The following CDH6 variants were observed in gnomAD, a reference collection of about 807,000 sequenced individuals.
CDH6 encodes the protein cadherin-6.
In CDH6, 31 loss-of-function variants were observed where a neutral mutation model predicts 78.0. The observed-to-expected ratio is 0.40, with a 90% confidence interval of 0.30 to 0.54. CDH6 has a LOEUF of 0.54. Among genes scored for constraint, CDH6 ranks in the 20% least tolerant of loss-of-function variants. The probability of loss-of-function intolerance (pLI) is 0.56; values close to 1 mark genes in which losing one functional copy is unlikely to be tolerated. For missense variants in CDH6, 724 were observed against 975.9 expected (o/e 0.74, Z 3.44); for synonymous variants, 376 against 368.8 (o/e 1.02, Z -0.23).
chr5:31,239,113 G>T (rs562479415), intron 1 of CDH6, among the ~76,000 whole-genome samples: 1 of 152,254 alleles, frequency 6.6e-6, no homozygotes. Context: ...TTCCTCCGCA[G>T]GGCATCATAT....
intron 1 of CDH6, among the ~76,000 whole-genome samples, chr5:31,224,755 G>C (rs547545491): frequency 6.6e-6 from 1 of 152,168 alleles, no homozygotes; most frequent in African/African-American, 2.4e-5. Flanking sequence ...TGTTGCCCAG[G>C]CTTGTCTCAA....
chr5:31,253,302 G>C (rs893485431), intron 1 of CDH6, among the ~76,000 whole-genome samples: 6 of 152,174 alleles, frequency 3.9e-5, no homozygotes, highest in Non-Finnish European at 8.8e-5. Context: ...TCATGATAAT[G>C]AGTGAGTTCT....
intron 2 of CDH6, among the ~76,000 whole-genome samples, chr5:31,291,411 G>A (rs1419467124): frequency 6.6e-6 from 1 of 152,148 alleles, no homozygotes; most frequent in Non-Finnish European, 1.5e-5. Flanking sequence ...TGCTTTTGTT[G>A]CATGTTTACA....
At chr5:31,292,834 T>TATATATGTGTGC (rs1737430513) in intron 2 of CDH6, among the ~76,000 whole-genome samples, 1 of 3,128 alleles carries the variant, frequency 3.2e-4, no homozygotes, top group African/African-American at 5.8e-4. Flanking sequence ...TATATATATA[T>TATATATGTGTGC]ATATATATAT....
intron 2 of CDH6, among the ~76,000 whole-genome samples, chr5:31,277,204 TC>T (rs1742723426): frequency 6.6e-6 from 1 of 152,232 alleles, no homozygotes; most frequent in Non-Finnish European, 1.5e-5. Context: ...TGTTTGATGA[TC>T]CCTGGCAACT....
chr5:31,285,663 A>G (rs1742991690), intron 2 of CDH6, among the ~76,000 whole-genome samples: 1 of 152,226 alleles, frequency 6.6e-6, no homozygotes, highest in African/African-American at 2.4e-5. Context: ...ATTTCTCTTT[A>G]GTTGCTGCAA....
At chr5:31,293,120 T>A (rs1439062091) in intron 2 of CDH6, among the ~76,000 whole-genome samples, 1 of 152,022 alleles carries the variant, frequency 6.6e-6, no homozygotes, top group East Asian at 1.9e-4. Flanking sequence ...CCCATTTCAC[T>A]GACAGTTAGT....
intron 1 of CDH6, among the ~76,000 whole-genome samples, chr5:31,217,644 C>A (rs1740903698): frequency 6.6e-6 from 1 of 152,122 alleles, no homozygotes; most frequent in South Asian, 2.1e-4. Flanking sequence ...CCTCCCTAAC[C>A]TCAAAGAACT....
At chr5:31,302,949 A>C in intron 6 of CDH6, among the ~76,000 whole-genome samples, 1 of 131,664 alleles carries the variant, frequency 7.6e-6, no homozygotes, top group Non-Finnish European at 1.7e-5. Flanking sequence ...GAAAGAAAGA[A>C]AGAAAGAAGG....
intron 1 of CDH6, among the ~76,000 whole-genome samples, chr5:31,248,097 A>G (rs1561041285): frequency 6.6e-6 from 1 of 152,224 alleles, no homozygotes; most frequent in Non-Finnish European, 1.5e-5. Flanking sequence ...TGTGTGTTAT[A>G]TGATTCTTCT....
At chr5:31,225,425 C>A (rs1220255213) in intron 1 of CDH6, among the ~76,000 whole-genome samples, 1 of 151,980 alleles carries the variant, frequency 6.6e-6, no homozygotes. Context: ...TCCCGCATTG[C>A]GATAAAGAAC....
chr5:31,321,623 T>G (rs1227645692), intron 11 of CDH6, among the ~76,000 whole-genome samples: 1 of 152,168 alleles, frequency 6.6e-6, no homozygotes, highest in Non-Finnish European at 1.5e-5. Flanking sequence ...TTAATACTAA[T>G]GAAATTTTAA....
intron 1 of CDH6, among the ~76,000 whole-genome samples, chr5:31,214,056 G>A (rs1303130140): frequency 1.3e-5 from 2 of 151,796 alleles, no homozygotes; most frequent in Non-Finnish European, 2.9e-5. Context: ...CGTCACAACT[G>A]GGGAGGGCCT....
chr5:31,258,287 C>T (rs901665799), intron 1 of CDH6, among the ~76,000 whole-genome samples: 2 of 152,190 alleles, frequency 1.3e-5, no homozygotes, highest in Non-Finnish European at 2.9e-5. Flanking sequence ...CACATATACA[C>T]CATAGAATGC....
At position 31,294,092 on chromosome 5, in the gene CDH6, A is replaced by G. The variant is rs1208781949; in HGVS notation, c.359A>G (p.Glu120Gly). 1.9e-6 allele frequency: 3 copies of G among 1,614,034 alleles called. No individual in the cohort carries two copies. The highest frequency in any genetic ancestry group is 3.3e-5 in the Admixed American group (2 of 59,986). ...IQATKRLDREEKPVYILRAQA... is the reference protein window; with the variant it reads ...IQATKRLDREGKPVYILRAQA... ...GCCACCAAGAGGCTGGACAGGGAAG[A>G]AAAACCCGTTTACATCCTTCGAGCT... Residue 120 changes from glutamate to glycine, a missense_variant, in exon 3 of 12, where the codon GAA becomes GGA. Physicochemically the swap from Glu to Gly is moderately conservative, Grantham distance 98. Transcript: ENST00000265071. The surrounding 1 kb of genome is among the most constrained non-coding windows in gnomAD (Gnocchi z 4.1).
intron 2 of CDH6, among the ~76,000 whole-genome samples, chr5:31,272,150 T>C (rs1345496978): frequency 6.6e-6 from 1 of 152,100 alleles, no homozygotes; most frequent in Non-Finnish European, 1.5e-5. Flanking sequence ...GGTGTTAGCT[T>C]ATACTGCAGA....
intron 5 of CDH6, 39 bp from the exon 6 acceptor site, chr5:31,302,072 T>C: frequency 7.2e-7 from 1 of 1,380,846 alleles, no homozygotes; most frequent in Non-Finnish European, 1.0e-6. Flanking sequence ...AGAGTGTGGT[T>C]AGTCTATGTT....
chr5:31,276,231 T>C (rs1742690300), intron 2 of CDH6, among the ~76,000 whole-genome samples: 1 of 152,168 alleles, frequency 6.6e-6, no homozygotes, highest in Non-Finnish European at 1.5e-5. Flanking sequence ...ATTAGAGCTT[T>C]TTTATCACAA....
intron 3 of CDH6, among the ~76,000 whole-genome samples, chr5:31,297,022 C>G (rs1310871944): frequency 6.6e-6 from 1 of 152,064 alleles, no homozygotes; most frequent in Non-Finnish European, 1.5e-5. Context: ...CAGTCAAATC[C>G]CGCCATTGGA....
Sources: allele counts gnomAD v4.1 joint callset (sites outside exome capture counted in the v4.1 genomes callset), GRCh38; gene constraint gnomAD v4.1.1; non-coding constraint Gnocchi (gnomAD v3.1); transcripts MANE v1.5; gene names NCBI Gene and HGNC (gene_info 2026-07-23, HGNC 2026-07-21).